Variants in SERGEF observed in about 807,000 individuals in gnomAD.
SERGEF encodes the protein secretion-regulating guanine nucleotide exchange factor.
Under a neutral mutation model 50.0 loss-of-function variants are expected in SERGEF, and 51 were observed. That is an observed-to-expected ratio of 1.02 (90% CI 0.81 to 1.29). SERGEF has a LOEUF of 1.29. SERGEF is among the 50% of genes most tolerant of loss of function. The pLI, the probability that SERGEF is intolerant of heterozygous loss-of-function variation, is 0.00. For synonymous variants in SERGEF, 205 were observed against 212.4 expected (o/e 0.97, Z 0.30); for missense variants, 521 against 557.0 (o/e 0.94, Z 0.65).
intron 10 of SERGEF, among the ~76,000 whole-genome samples, chr11:17,826,777 A>G (rs1850204019): frequency 1.3e-5 from 2 of 152,252 alleles, no homozygotes; most frequent in Admixed American, 6.5e-5. Flanking sequence ...CATATATGAT[A>G]GAGAATATGT....
Position 17,959,657 on chromosome 11 carries a change from A to T in SERGEF, c.845-21T>A, listed in dbSNP as rs767558820. ...AGTTTCTAAAAACAAATATTATTTG[A>T]ATTAAGACTACATTCCACAGCTGTG... On this transcript the variant is annotated intron_variant, in intron 8 of 10. Coordinates refer to ENST00000265965, the MANE Select transcript of SERGEF (RefSeq NM_012139.4). 3.1e-6 allele frequency: 5 copies of T among 1,596,902 alleles called. No homozygotes were observed. In the African/African-American group the frequency reaches 6.7e-5, roughly 21 times the overall value.
At chr11:18,000,404 G>A (rs1339340995) in intron 5 of SERGEF, 93 bp downstream of exon 5, 11 of 803,514 alleles carry the variant, frequency 1.4e-5, no homozygotes, top group South Asian at 5.4e-5. Flanking sequence ...AGCTATGATC[G>A]AGCCACTGCA....
chr11:17,978,120 C>A (rs1349100823), intron 8 of SERGEF, among the ~76,000 whole-genome samples: 1 of 152,120 alleles, frequency 6.6e-6, no homozygotes, highest in Non-Finnish European at 1.5e-5. Flanking sequence ...CTCTCTGAGC[C>A]TCAATCCTCA....
chr11:17,856,764 T>C (rs572568433), intron 10 of SERGEF: 5 of 152,250 alleles, frequency 3.3e-5, no homozygotes, highest in Non-Finnish European at 7.3e-5. Context: ...ATGTCAACTA[T>C]TACTGTTATT....
chr11:17,947,701 A>T (rs980871779), intron 9 of SERGEF, among the ~76,000 whole-genome samples: 1 of 152,174 alleles, frequency 6.6e-6, no homozygotes, highest in Non-Finnish European at 1.5e-5. Flanking sequence ...TCTAGTCCAC[A>T]CTGCTGCCAC....
At chr11:17,808,169 C>T (rs1012701939) in intron 10 of SERGEF, among the ~76,000 whole-genome samples, 2 of 152,214 alleles carry the variant, frequency 1.3e-5, no homozygotes, top group Non-Finnish European at 2.9e-5. Flanking sequence ...AAGTTGCTGC[C>T]TGGCTTGGGC....
chr11:17,821,812 C>G lies in SERGEF; in HGVS notation c.1049-33399G>C, dbSNP rs572673820. ...GTCCATCTCACTCAAAAGAGAAGAG[C>G]TTCTCAGAGGGCAAGAGAGTAATGT... is the stretch of plus-strand genomic sequence containing the variant. On this transcript the variant is annotated intron_variant, in intron 10 of 10. Transcript: ENST00000265965. 3.9e-5 allele frequency among the ~76,000 whole-genome samples: 6 copies of G among 152,328 alleles called. 1 individual carries two copies. The highest frequency in any genetic ancestry group is 3.9e-4 in the East Asian group (2 of 5,192).
intron 10 of SERGEF, among the ~76,000 whole-genome samples, chr11:17,864,516 AC>A (rs1170280536): frequency 1.3e-5 from 2 of 152,224 alleles, no homozygotes; most frequent in Non-Finnish European, 2.9e-5. Context: ...TGTAAAAAAA[AC>A]ACTCTGTATT....
chr11:17,908,494 T>C (rs538394104), intron 9 of SERGEF, among the ~76,000 whole-genome samples: 97 of 152,222 alleles, frequency 6.4e-4, no homozygotes, highest in Middle Eastern at 3.4e-3. Context: ...CCCTCAAATC[T>C]GGATGACATA....
intron 9 of SERGEF, among the ~76,000 whole-genome samples, chr11:17,916,277 T>C (rs1328621825): frequency 6.6e-6 from 1 of 152,208 alleles, no homozygotes; most frequent in South Asian, 2.1e-4. Context: ...TCTAAGGCAT[T>C]TGGAGATCCT....
intron 10 of SERGEF, among the ~76,000 whole-genome samples, chr11:17,794,822 G>A (rs907147397): frequency 1.8e-4 from 28 of 152,182 alleles, no homozygotes; most frequent in Non-Finnish European, 4.0e-4. Context: ...TGCTTCCCAG[G>A]TAATTAAGAA....
rs1590137346 is a variant in SERGEF, at chr11:17,825,060, C to T, written c.1049-36647G>A. 2.0e-5 allele frequency among the ~76,000 whole-genome samples: 3 copies of T among 152,288 alleles called. No individual in the cohort carries two copies. The East Asian group carries it at 5.8e-4, about 29-fold the overall frequency. On this transcript the variant is annotated intron_variant, in intron 10 of 10. Coordinates refer to ENST00000265965, the MANE Select transcript of SERGEF (RefSeq NM_012139.4). ...TTATCTGAAAGTCCAAAGGAAGGTA[C>T]CAGAGATGGCATTCTTAAGTCATTT...
At chr11:18,004,078 C>A (rs1854022350) in intron 4 of SERGEF, among the ~76,000 whole-genome samples, 2 of 152,194 alleles carry the variant, frequency 1.3e-5, no homozygotes, top group Non-Finnish European at 2.9e-5. Flanking sequence ...CTGGCCTATA[C>A]CATTTGCCTA....
At chr11:17,795,618 C>A (rs1368430146) in intron 10 of SERGEF, among the ~76,000 whole-genome samples, 1 of 152,188 alleles carries the variant, frequency 6.6e-6, no homozygotes, top group Non-Finnish European at 1.5e-5. Context: ...AGTGTTCCAG[C>A]CCCACAGGCT....
At chr11:18,007,805 CTTTCACAAAAATG>C (rs2134014713) in intron 2 of SERGEF, 123 bp downstream of exon 2, 6 of 935,178 alleles carry the variant, frequency 6.4e-6, no homozygotes, top group Admixed American at 3.0e-5. Flanking sequence ...TAATTTGGCT[CTTTCACAAAAATG>C]TTTCACAAAA....
chr11:18,004,543 A>G lies in SERGEF; in HGVS notation c.353-8T>C. 1 of 1,594,228 alleles carries G rather than the reference A, an allele frequency of 6.3e-7. No homozygotes were observed. The highest frequency in any genetic ancestry group is 8.6e-7 in the Non-Finnish European group (1 of 1,164,182). ...ATAGAACTTGACCATTTTCTGCAAAATACAAATACTTAAATTGCAAATCTA... is the reference window on the plus strand; with the variant it reads ...ATAGAACTTGACCATTTTCTGCAAAGTACAAATACTTAAATTGCAAATCTA... On this transcript the variant is annotated splice_polypyrimidine_tract_variant and splice_region_variant and intron_variant, in intron 3 of 10. Coordinates refer to ENST00000265965, the MANE Select transcript of SERGEF (RefSeq NM_012139.4).
intron 8 of SERGEF, among the ~76,000 whole-genome samples, chr11:17,962,858 A>C (rs1047042005): frequency 1.3e-5 from 2 of 152,094 alleles, no homozygotes; most frequent in African/African-American, 2.4e-5. Context: ...ATATTGCAGG[A>C]GCAGCGTGAG....
intron 9 of SERGEF, among the ~76,000 whole-genome samples, chr11:17,904,103 G>A (rs544859470): frequency 1.3e-5 from 2 of 152,208 alleles, no homozygotes; most frequent in African/African-American, 2.4e-5. Flanking sequence ...TAGCAAAGCC[G>A]AGGGAAGAGG....
intron 10 of SERGEF, among the ~76,000 whole-genome samples, chr11:17,867,051 A>G (rs182820359): frequency 2.0e-3 from 307 of 152,328 alleles, no homozygotes; most frequent in Admixed American, 4.3e-3. Context: ...CAGCCAAACC[A>G]TATCATTCTG....
Sources: allele counts gnomAD v4.1 joint callset (sites outside exome capture counted in the v4.1 genomes callset), GRCh38; gene constraint gnomAD v4.1.1; transcripts MANE v1.5; gene names NCBI Gene and HGNC (gene_info 2026-07-23, HGNC 2026-07-21).